OLFML2B: variants seen among roughly 807,000 people sequenced by gnomAD.
OLFML2B encodes the protein olfactomedin-like protein 2B.
OLFML2B carries 57 observed loss-of-function variants against 74.9 expected under a neutral mutation model. That is an observed-to-expected ratio of 0.76 (90% confidence interval 0.61 to 0.95). OLFML2B has a LOEUF of 0.95. Ranked by LOEUF, OLFML2B falls within the 40% of genes least tolerant of loss-of-function variation. OLFML2B has a pLI of 0.00. For missense variants in OLFML2B, 986 were observed against 970.6 expected (o/e 1.02, Z -0.21); for synonymous variants, 388 against 405.8 (o/e 0.96, Z 0.53).
At chr1:162,006,534 T>C in intron 3 of OLFML2B, 61 bp from the exon 4 acceptor site, 1 of 1,335,736 alleles carries the variant, frequency 7.5e-7, no homozygotes, top group Non-Finnish European at 1.0e-6. Flanking sequence ...AGGAGGCAGC[T>C]AGCAGCCATC....
chr1:162,003,093 G>A (rs1240756551), intron 4 of OLFML2B, among the ~76,000 whole-genome samples: 1 of 152,194 alleles, frequency 6.6e-6, no homozygotes, highest in African/African-American at 2.4e-5. Flanking sequence ...GCCCCAGGCT[G>A]CCTGCCCTCA....
intron 4 of OLFML2B, 134 bp from the exon 5 acceptor site, chr1:162,000,472 G>A: frequency 1.6e-6 from 1 of 623,674 alleles, no homozygotes; most frequent in Non-Finnish European, 2.8e-6. Context: ...TGTTCTAAGT[G>A]CTTTATACAT....
intron 5 of OLFML2B, 51 bp downstream of exon 5, chr1:162,000,062 T>C (rs1690037514): frequency 4.2e-6 from 6 of 1,423,994 alleles, no homozygotes; most frequent in African/African-American, 2.8e-5. Context: ...GTCCAAATGG[T>C]GACTTCCTCC....
At chr1:161,985,098 A>G in intron 6 of OLFML2B, 118 bp from the exon 7 acceptor site, 2 of 1,020,796 alleles carry the variant, frequency 2.0e-6, no homozygotes, top group Non-Finnish European at 2.8e-6. Flanking sequence ...ACAGCCCTGT[A>G]TAACCTGACC....
At chr1:161,986,751 G>A (rs1267650074) in intron 6 of OLFML2B, among the ~76,000 whole-genome samples, 4 of 152,192 alleles carry the variant, frequency 2.6e-5, no homozygotes, top group African/African-American at 7.2e-5. Flanking sequence ...GCACTGAGGT[G>A]AGCCCTAGCT....
chr1:161,995,951 C>T (rs1689886434), intron 6 of OLFML2B, among the ~76,000 whole-genome samples: 1 of 152,110 alleles, frequency 6.6e-6, no homozygotes, highest in African/African-American at 2.4e-5. Flanking sequence ...GGCCAGGCTG[C>T]CCAGAGCTGG....
chr1:162,019,262 T>C (rs1690632829), intron 2 of OLFML2B, among the ~76,000 whole-genome samples: 3 of 152,238 alleles, frequency 2.0e-5, no homozygotes, highest in South Asian at 4.1e-4. Flanking sequence ...CCACATGTTA[T>C]TCAAGGAGCT....
chr1:162,011,310 T>C (rs1042973799), intron 3 of OLFML2B, among the ~76,000 whole-genome samples: 1 of 152,108 alleles, frequency 6.6e-6, no homozygotes, highest in African/African-American at 2.4e-5. Flanking sequence ...AGATGGGACA[T>C]AGTTTCTCAT....
In OLFML2B at chr1:161,999,006, G is replaced by A. The variant is rs1571294784; in HGVS notation, c.950-657C>T. 2.6e-5 allele frequency among the ~76,000 whole-genome samples: 4 copies of A among 152,342 alleles called. No homozygotes were observed. In the East Asian group the frequency reaches 7.7e-4, roughly 29 times the overall value. On this transcript the variant is annotated intron_variant, in intron 5 of 7. Transcript: ENST00000294794. ...GGCCCTGAGGCAGGACATGCGTGCA[G>A]CGGCCCAGGAGCAGCGAGGTGGCCA...
At chr1:161,985,286 T>C (rs751050266) in intron 6 of OLFML2B, 12 of 267,388 alleles carry the variant, frequency 4.5e-5, no homozygotes, top group Non-Finnish European at 8.4e-5. Flanking sequence ...TTTTATGACA[T>C]CATGCCCTCC....
chr1:162,006,153 C>T, intron 4 of OLFML2B, 144 bp downstream of exon 4: 1 of 676,698 alleles, frequency 1.5e-6, no homozygotes, highest in East Asian at 3.0e-5. Context: ...ATCAAATCTA[C>T]AGAACCTGCA....
At chr1:161,996,288 T>A (rs1308777544) in intron 6 of OLFML2B, among the ~76,000 whole-genome samples, 2 of 152,110 alleles carry the variant, frequency 1.3e-5, no homozygotes, top group African/African-American at 4.8e-5. Flanking sequence ...ACACCATGAA[T>A]GGAAGAAGAG....
Position 161,984,177 on chromosome 1 carries a change from T to C in OLFML2B, c.1751A>G (p.Asn584Ser), listed in dbSNP as rs776929841. The C allele has an allele frequency of 6.2e-6, 10 of 1,604,894 alleles. No individual in the cohort carries two copies. In the African/African-American group the frequency reaches 1.3e-4, roughly 21 times the overall value. The change falls in exon 8 of 8, where the codon AAC becomes AGC. Residue 584 changes from asparagine to serine, a missense_variant. Asn to Ser is a conservative substitution (Grantham distance 46, BLOSUM62 1). Coordinates refer to ENST00000294794, the MANE Select transcript of OLFML2B (RefSeq NM_015441.3). ...AFYYNRAFTR[N>S]IIKYDLKQRY... ...CTGCTTCAGGTCGTACTTGATGATG[T>C]TGCGGGTGAAGGCGCGATTGTAGTA...
Position 161,984,226 on chromosome 1 carries a change from G to A in OLFML2B, c.1702C>T (p.His568Tyr), listed in dbSNP as rs144617718. The A allele has an allele frequency of 9.3e-5, 144 of 1,549,496 alleles. No homozygotes were observed. Among genetic ancestry groups the A allele is most frequent in the Non-Finnish European group, 1.1e-4 (127 of 1,149,434 alleles). ...KLPYSWIGTG[H>Y]VVYNGAFYYN... Reference sequence around the variant, plus strand: ...TAGAAGGCGCCATTGTATACCACGTGGCCTGTGCCGATCCAGCTGTACGGG... The same window carrying A: ...TAGAAGGCGCCATTGTATACCACGTAGCCTGTGCCGATCCAGCTGTACGGG... Residue 568 changes from histidine (H) to tyrosine (Y), a missense_variant, in exon 8 of 8, where the codon CAC becomes TAC. Coordinates refer to ENST00000294794, the MANE Select transcript of OLFML2B (RefSeq NM_015441.3).
Position 161,983,585 on chromosome 1 carries a change from CACAT to C in OLFML2B, c.*86_*89del, listed in dbSNP as rs1227091426. 3 of 1,371,720 alleles carry C rather than the reference CACAT, an allele frequency of 2.2e-6. No individual in the cohort carries two copies. Among genetic ancestry groups the C allele is most frequent in the Non-Finnish European group, 3.0e-6 (3 of 1,003,036 alleles). The allele number at this position is 1,371,720 out of a possible 1,614,324, so 85.0% of individuals were successfully genotyped here. A position where few individuals can be genotyped will look rare whatever the true frequency, so the allele number is the denominator to read the frequency against. On this transcript the variant is annotated 3_prime_UTR_variant, in exon 8 of 8. Transcript: ENST00000294794. Reference sequence around the variant, plus strand: ...CAAAATAATATATATTTTTAAACAACACATACCCACCTACACACACGTGCGCGCA... The same window carrying C: ...CAAAATAATATATATTTTTAAACAACACCCACCTACACACACGTGCGCGCA...
intron 4 of OLFML2B, among the ~76,000 whole-genome samples, chr1:162,003,053 G>A (rs1690124429): frequency 6.6e-6 from 1 of 152,210 alleles, no homozygotes; most frequent in African/African-American, 2.4e-5. Flanking sequence ...GGCTGAGAGG[G>A]GCAGTTCTTA....
In OLFML2B at chr1:162,000,196, G is replaced by A. The variant is rs4656343; in HGVS notation, c.866C>T (p.Pro289Leu). The A allele has an allele frequency of 0.048, 77,876 of 1,613,622 alleles. 2,208 individuals are homozygous for A. The highest frequency in any genetic ancestry group is 0.059 in the Non-Finnish European group (69,090 of 1,179,766). The change falls in exon 5 of 8, where the codon CCG becomes CTG. Residue 289 changes from proline (P) to leucine (L), a missense_variant. Coordinates refer to ENST00000294794, the MANE Select transcript of OLFML2B (RefSeq NM_015441.3). The part of the protein sequence containing the change: ...LQRQVHLRGR[P>L]ASQPTVIRGI... ...CCGGATGACAGTGGGCTGGGAGGCC[G>A]GCCGGCCTCTCAGGTGGACCTGCCT...
Position 162,023,833 on chromosome 1 carries a change from A to T in OLFML2B, c.-403T>A, listed in dbSNP as rs540592535. The T allele has an allele frequency of 6.3e-6, 1 of 159,072 alleles. No individual in the cohort carries two copies. The highest frequency in any genetic ancestry group is 1.9e-4 in the East Asian group (1 of 5,404). 9.9% of individuals were successfully genotyped at this position (159,072 alleles called of 1,614,324 possible). A position where few individuals can be genotyped will look rare whatever the true frequency, so the allele number is the denominator to read the frequency against. On this transcript the variant is annotated 5_prime_UTR_variant, in exon 1 of 8. Coordinates refer to ENST00000294794, the MANE Select transcript of OLFML2B (RefSeq NM_015441.3). ...GCACGGGGACCGGACACGGGGAGGG[A>T]AGAGGCGGTGGCGGCGCGGGCTGCT...
chr1:161,985,207 A>T (rs1453750461), intron 6 of OLFML2B: 15 of 452,770 alleles, frequency 3.3e-5, no homozygotes, highest in Non-Finnish European at 5.9e-5. Flanking sequence ...GGCAACTTTC[A>T]CACCACTATG....
Sources: allele counts gnomAD v4.1 joint callset (sites outside exome capture counted in the v4.1 genomes callset), GRCh38; gene constraint gnomAD v4.1.1; transcripts MANE v1.5; gene names NCBI Gene and HGNC (gene_info 2026-07-23, HGNC 2026-07-21).